Variants in TMEM108 observed in about 807,000 individuals in gnomAD.
TMEM108 encodes the protein transmembrane protein 108.
In TMEM108, 12 loss-of-function variants were observed where a neutral mutation model predicts 35.1. The ratio of observed to expected loss-of-function variants is 0.34; its 90% CI spans 0.22 to 0.55. TMEM108 has a LOEUF of 0.55. Among genes scored for constraint, TMEM108 ranks in the 20% least tolerant of loss-of-function variants. The pLI, the probability that TMEM108 is intolerant of heterozygous loss-of-function variation, is 0.89. For missense variants in TMEM108, 680 were observed against 753.3 expected (o/e 0.90, Z 1.14); for synonymous variants, 287 against 308.6 (o/e 0.93, Z 0.73).
At chr3:133,316,530 C>T (rs2071201490) in intron 3 of TMEM108, among the ~76,000 whole-genome samples, 2 of 152,084 alleles carry the variant, frequency 1.3e-5, no homozygotes, top group South Asian at 4.1e-4. Flanking sequence ...TAGTGCTTGT[C>T]GAAAAAGGTC....
chr3:133,221,429 C>G (rs1269343904), intron 2 of TMEM108, among the ~76,000 whole-genome samples: 2 of 152,152 alleles, frequency 1.3e-5, no homozygotes, highest in African/African-American at 4.8e-5. Context: ...AATATTAGAA[C>G]AAAAGATTCT....
At chr3:133,238,226 A>C (rs557248532) in intron 3 of TMEM108, among the ~76,000 whole-genome samples, 2 of 152,262 alleles carry the variant, frequency 1.3e-5, no homozygotes, top group South Asian at 2.1e-4. Context: ...CTGATTATAC[A>C]TGTGCTTGTT....
chr3:133,332,727 A>C (rs563146991), intron 3 of TMEM108, among the ~76,000 whole-genome samples: 4 of 152,312 alleles, frequency 2.6e-5, no homozygotes, highest in African/African-American at 9.6e-5. Flanking sequence ...ATTTTCAATC[A>C]GCTCGATTCA....
chr3:133,200,924 T>C (rs1339262374), intron 2 of TMEM108, among the ~76,000 whole-genome samples: 1 of 152,228 alleles, frequency 6.6e-6, no homozygotes, highest in African/African-American at 2.4e-5. Flanking sequence ...AGCTACTCTA[T>C]TGGACAGTAG....
intron 3 of TMEM108, chr3:133,246,513 C>T (rs1298548021): frequency 1.3e-5 from 2 of 151,616 alleles, no homozygotes; most frequent in Non-Finnish European, 2.9e-5. Flanking sequence ...ATTCTCACAG[C>T]GTCCACAGAG....
chr3:133,379,453 T>TG, intron 3 of TMEM108, among the ~76,000 whole-genome samples: 1 of 152,144 alleles, frequency 6.6e-6, no homozygotes, highest in African/African-American at 2.4e-5. Context: ...GTTGCCCTTG[T>TG]GGGGAGGGCT....
At chr3:133,174,849 A>T in intron 2 of TMEM108, among the ~76,000 whole-genome samples, 1 of 152,242 alleles carries the variant, frequency 6.6e-6, no homozygotes, top group South Asian at 2.1e-4. Context: ...GAGTTGAGAG[A>T]AGAAGGCTTC....
intron 2 of TMEM108, among the ~76,000 whole-genome samples, chr3:133,199,783 C>G (rs1257882542): frequency 1.3e-5 from 2 of 152,206 alleles, no homozygotes; most frequent in African/African-American, 2.4e-5. Flanking sequence ...AACCACTACT[C>G]TCTTCAAAGC....
intron 3 of TMEM108, among the ~76,000 whole-genome samples, chr3:133,300,567 AT>A (rs1337252128): frequency 6.6e-6 from 1 of 152,194 alleles, no homozygotes; most frequent in African/African-American, 2.4e-5. Context: ...GCAGTGCCAC[AT>A]GGGGAAGCAC....
chr3:133,268,761 C>G (rs1433599263), intron 3 of TMEM108, among the ~76,000 whole-genome samples: 1 of 152,186 alleles, frequency 6.6e-6, no homozygotes, highest in Non-Finnish European at 1.5e-5. Context: ...TCTTTTGTCT[C>G]AGAGTCTGAA....
chr3:133,214,566 G>A (rs1945878945), intron 2 of TMEM108, among the ~76,000 whole-genome samples: 1 of 152,068 alleles, frequency 6.6e-6, no homozygotes, highest in Non-Finnish European at 1.5e-5. Flanking sequence ...TCTACTATTG[G>A]CCTAGGTTGT....
intron 2 of TMEM108, among the ~76,000 whole-genome samples, chr3:133,099,770 T>A (rs1224834104): frequency 6.6e-6 from 1 of 152,192 alleles, no homozygotes; most frequent in Non-Finnish European, 1.5e-5. Context: ...CTTGTCCTCA[T>A]CTGAGACCAC....
intron 1 of TMEM108, among the ~76,000 whole-genome samples, chr3:133,043,026 A>G (rs1943292722): frequency 6.6e-6 from 1 of 152,184 alleles, no homozygotes; most frequent in Admixed American, 6.5e-5. Flanking sequence ...TCACTGATTG[A>G]TTGTGAGCAG....
intron 2 of TMEM108, among the ~76,000 whole-genome samples, chr3:133,169,633 C>T (rs957650868): frequency 5.3e-5 from 8 of 152,112 alleles, no homozygotes; most frequent in African/African-American, 1.7e-4. Flanking sequence ...TATCATTTCC[C>T]ATGTAACTCC....
At chr3:133,043,791 G>A (rs769218652) in intron 1 of TMEM108, among the ~76,000 whole-genome samples, 9 of 152,026 alleles carry the variant, frequency 5.9e-5, no homozygotes, top group Non-Finnish European at 1.2e-4. Flanking sequence ...AAATCCTTAG[G>A]TTCCTTTATT....
chr3:133,078,158 T>TGTGTGTGTGTGTGTGTGTGTGC (rs770304551), intron 2 of TMEM108, among the ~76,000 whole-genome samples: 2 of 116,772 alleles, frequency 1.7e-5, no homozygotes, highest in African/African-American at 6.4e-5. Context: ...TGTGTGTGTG[T>TGTGTGTGTGTGTGTGTGTGTGC]GCACGCGCGC....
intron 2 of TMEM108, among the ~76,000 whole-genome samples, chr3:133,201,628 A>G (rs1945667245): frequency 6.6e-6 from 1 of 151,952 alleles, no homozygotes; most frequent in African/African-American, 2.4e-5. Context: ...AAGGACATGA[A>G]CTCATCCTTT....
intron 2 of TMEM108, among the ~76,000 whole-genome samples, chr3:133,127,523 C>A (rs566448817): frequency 6.6e-6 from 1 of 152,160 alleles, no homozygotes; most frequent in Non-Finnish European, 1.5e-5. Flanking sequence ...ATATTAGAAC[C>A]TGCCTGGCAA....
intron 2 of TMEM108, among the ~76,000 whole-genome samples, chr3:133,071,392 A>G (rs1233584417): frequency 6.6e-6 from 1 of 152,124 alleles, no homozygotes; most frequent in Non-Finnish European, 1.5e-5. Context: ...TCTTCCTCTT[A>G]TGAGAACACC....
Sources: allele counts gnomAD v4.1 joint callset (sites outside exome capture counted in the v4.1 genomes callset), GRCh38; gene constraint gnomAD v4.1.1; transcripts MANE v1.5; gene names NCBI Gene and HGNC (gene_info 2026-07-23, HGNC 2026-07-21).